The following SIPA1L1 variants were observed in gnomAD, a reference collection of about 807,000 sequenced individuals.
The protein encoded by SIPA1L1 is signal-induced proliferation-associated 1-like protein 1.
Under a neutral mutation model 162.7 loss-of-function variants are expected in SIPA1L1, and 26 were observed. The observed-to-expected ratio is 0.16, with a 90% CI of 0.12 to 0.22. The LOEUF is 0.22. SIPA1L1 is among the 10% of genes least tolerant of loss of function. The pLI is 1.00. For missense variants in SIPA1L1, 1,874 were observed against 2,241.0 expected (o/e 0.84, Z 3.31); for synonymous variants, 829 against 837.4 (o/e 0.99, Z 0.17).
intron 12 of SIPA1L1, among the ~76,000 whole-genome samples, chr14:71,680,133 G>A (rs1044647121): frequency 3.3e-5 from 5 of 152,158 alleles, no homozygotes; most frequent in African/African-American, 4.8e-5. Flanking sequence ...ATTCTTCTCA[G>A]CACCACCTTG....
intron 2 of SIPA1L1, among the ~76,000 whole-genome samples, chr14:71,391,679 G>A (rs537778246): frequency 6.6e-6 from 1 of 152,300 alleles, no homozygotes; most frequent in South Asian, 2.1e-4. Context: ...CATGGTTAGA[G>A]AACATGGGGG....
At chr14:71,462,940 C>T (rs1306487939) in intron 2 of SIPA1L1, among the ~76,000 whole-genome samples, 3 of 152,204 alleles carry the variant, frequency 2.0e-5, no homozygotes, top group Admixed American at 2.0e-4. Context: ...GCATTTGCCA[C>T]GTCTATGGCT....
intron 2 of SIPA1L1, among the ~76,000 whole-genome samples, chr14:71,364,027 A>C (rs1487166555): frequency 1.3e-5 from 2 of 152,184 alleles, no homozygotes; most frequent in African/African-American, 2.4e-5. Flanking sequence ...GCTGTTAAAA[A>C]ATTATTGGGG....
chr14:71,480,110 T>C (rs1567081678), intron 2 of SIPA1L1, among the ~76,000 whole-genome samples: 1 of 149,556 alleles, frequency 6.7e-6, no homozygotes, highest in Admixed American at 6.7e-5. Flanking sequence ...TGAGACGGAG[T>C]CTTGCTCTGT....
intron 2 of SIPA1L1, among the ~76,000 whole-genome samples, chr14:71,477,383 C>A (rs1595671428): frequency 1.3e-5 from 2 of 151,720 alleles, no homozygotes; most frequent in Non-Finnish European, 2.9e-5. Flanking sequence ...CAAAACAAAA[C>A]AAAAAAAACA....
At chr14:71,488,872 G>A (rs1157957208) in intron 2 of SIPA1L1, among the ~76,000 whole-genome samples, 1 of 152,166 alleles carries the variant, frequency 6.6e-6, no homozygotes, top group Non-Finnish European at 1.5e-5. Flanking sequence ...TTTATACTGA[G>A]CACTCGGAAA....
At chr14:71,570,885 C>A (rs578169803) in intron 4 of SIPA1L1, among the ~76,000 whole-genome samples, 2 of 152,194 alleles carry the variant, frequency 1.3e-5, no homozygotes, top group South Asian at 4.2e-4. Context: ...CTCCTGGGTT[C>A]AAGCAATTCT....
intron 4 of SIPA1L1, among the ~76,000 whole-genome samples, chr14:71,557,140 G>A (rs2056421217): frequency 6.6e-6 from 1 of 152,068 alleles, no homozygotes; most frequent in Non-Finnish European, 1.5e-5. Context: ...TTTTCTTTTG[G>A]AATCTTAGTA....
rs117709061 is a variant in SIPA1L1 at position 71,323,688 on chromosome 14, G to C, written c.-465+2507G>C. Among the ~76,000 whole-genome samples, 1,509 of 152,100 alleles carry C rather than the reference G, an allele frequency of 9.9e-3. 10 individuals carry two copies. The highest frequency in any genetic ancestry group is 0.015 in the Admixed American group (223 of 15,278). ...AAGTTCAAATCTGAAAATAAATTCA[G>C]AAATTTCTTTTTTTCCCCATAGCAT... On this transcript the variant is annotated intron_variant, in intron 2 of 23. Coordinates refer to ENST00000381232, the MANE Select transcript of SIPA1L1 (RefSeq NM_001386936.1).
intron 10 of SIPA1L1, among the ~76,000 whole-genome samples, chr14:71,664,493 A>C (rs1161992556): frequency 6.6e-6 from 1 of 152,232 alleles, no homozygotes; most frequent in Non-Finnish European, 1.5e-5. Context: ...CATGCAGTGC[A>C]TAATAATCAC....
intron 16 of SIPA1L1, among the ~76,000 whole-genome samples, chr14:71,708,901 CTCTTT>C (rs1414080441): frequency 6.6e-6 from 1 of 151,994 alleles, no homozygotes; most frequent in South Asian, 2.1e-4. Flanking sequence ...CATTTCCTTT[CTCTTT>C]TAAGATACTA....
At chr14:71,560,876 T>C (rs1322162186) in intron 4 of SIPA1L1, among the ~76,000 whole-genome samples, 1 of 152,202 alleles carries the variant, frequency 6.6e-6, no homozygotes, top group Non-Finnish European at 1.5e-5. Flanking sequence ...TTCAGGTTCT[T>C]CAGATATTCT....
chr14:71,571,536 A>G (rs2032019770), intron 4 of SIPA1L1, among the ~76,000 whole-genome samples: 1 of 152,228 alleles, frequency 6.6e-6, no homozygotes, highest in Non-Finnish European at 1.5e-5. Flanking sequence ...TGGGCTGCTC[A>G]GTTCCAACAG....
chr14:71,535,879 G>A (rs2053852243), intron 4 of SIPA1L1, among the ~76,000 whole-genome samples: 1 of 152,066 alleles, frequency 6.6e-6, no homozygotes, highest in Non-Finnish European at 1.5e-5. Context: ...CAAAATGCAC[G>A]GATTACAGGC....
chr14:71,458,001 A>G lies in SIPA1L1; in HGVS notation c.-464-54742A>G, dbSNP rs564562536. Among the ~76,000 whole-genome samples the G allele has an allele frequency of 2.6e-5, 4 of 151,970 alleles. No homozygotes were observed. In the South Asian group the frequency reaches 8.3e-4, roughly 32 times the overall value. On this transcript the variant is annotated intron_variant, in intron 2 of 23. Transcript: ENST00000381232. ...TTTCCCCCCAGTTTGTGGCTTGCCT[A>G]TTGAGTCTTTTTTTAAACAATATCA... is the stretch of plus-strand genomic sequence containing the variant.
At chr14:71,632,591 G>A (rs1338715216) in intron 7 of SIPA1L1, among the ~76,000 whole-genome samples, 1 of 152,220 alleles carries the variant, frequency 6.6e-6, no homozygotes, top group Non-Finnish European at 1.5e-5. Context: ...GCTCCCCACT[G>A]TGTGGCATCA....
intron 13 of SIPA1L1, among the ~76,000 whole-genome samples, chr14:71,690,066 T>G (rs1429263271): frequency 6.6e-6 from 1 of 152,206 alleles, no homozygotes; most frequent in Non-Finnish European, 1.5e-5. Flanking sequence ...ATGTTTACTC[T>G]TCTTTTGTTT....
At chr14:71,360,635 T>A (rs539978179) in intron 2 of SIPA1L1, among the ~76,000 whole-genome samples, 1 of 152,366 alleles carries the variant, frequency 6.6e-6, no homozygotes, top group African/African-American at 2.4e-5. Flanking sequence ...TTTCTCTTTT[T>A]ATGTGTGTAA....
chr14:71,600,221 T>A (rs1480888933), intron 5 of SIPA1L1, among the ~76,000 whole-genome samples: 2 of 152,212 alleles, frequency 1.3e-5, no homozygotes, highest in African/African-American at 4.8e-5. Flanking sequence ...TCCTTTGCCT[T>A]CTTCTAGTAG....
Sources: allele counts gnomAD v4.1 joint callset (sites outside exome capture counted in the v4.1 genomes callset), GRCh38; gene constraint gnomAD v4.1.1; transcripts MANE v1.5; gene names NCBI Gene and HGNC (gene_info 2026-07-23, HGNC 2026-07-21).